LMO7: variants seen among roughly 807,000 people sequenced by gnomAD.
The protein encoded by LMO7 is LIM domain 7.
LMO7 carries 120 observed loss-of-function variants against 206.5 expected under a neutral mutation model. The ratio of observed to expected loss-of-function variants is 0.58; its 90% CI spans 0.50 to 0.68. The LOEUF (loss-of-function observed/expected upper bound fraction) is 0.68, where lower values mean the gene tolerates loss of function less well. Among genes scored for constraint, LMO7 ranks in the 30% least tolerant of loss-of-function variants. The probability of loss-of-function intolerance (pLI) is 0.00; values close to 1 mark genes in which losing one functional copy is unlikely to be tolerated. For synonymous variants in LMO7, 706 were observed against 681.5 expected, an observed-to-expected ratio of 1.04 and a Z score of -0.56; for missense variants, 1,959 against 1,957.9, an observed-to-expected ratio of 1.00 and a Z score of -0.01.
intron 1 of LMO7, among the ~76,000 whole-genome samples, chr13:75,687,036 G>C (rs1450050653): frequency 6.6e-6 from 1 of 152,142 alleles, no homozygotes; most frequent in African/African-American, 2.4e-5. Flanking sequence ...TTGAGGGTTA[G>C]GATTTTGGCA....
intron 4 of LMO7, among the ~76,000 whole-genome samples, chr13:75,761,694 G>C (rs1372497765): frequency 1.3e-5 from 2 of 151,966 alleles, no homozygotes; most frequent in African/African-American, 4.8e-5. Context: ...CTGGTTTTAA[G>C]CTCTTATGAT....
chr13:75,637,566 A>C (rs2036072077), intron 1 of LMO7, among the ~76,000 whole-genome samples: 1 of 152,248 alleles, frequency 6.6e-6, no homozygotes, highest in South Asian at 2.1e-4. Flanking sequence ...AATCAGGAAC[A>C]ACTGCTGAAA....
intron 1 of LMO7, among the ~76,000 whole-genome samples, chr13:75,696,211 C>T (rs558727770): frequency 2.0e-5 from 3 of 152,098 alleles, no homozygotes; most frequent in African/African-American, 7.2e-5. Context: ...AAAAATGAGC[C>T]GGGCATGGTG....
chr13:75,705,379 A>G (rs1368618749), intron 1 of LMO7, among the ~76,000 whole-genome samples: 1 of 152,182 alleles, frequency 6.6e-6, no homozygotes, highest in Non-Finnish European at 1.5e-5. Flanking sequence ...ATTAAACCTG[A>G]GGTATTCTCT....
chr13:75,773,492 T>C (rs2050003325), intron 4 of LMO7, among the ~76,000 whole-genome samples: 1 of 152,102 alleles, frequency 6.6e-6, no homozygotes, highest in South Asian at 2.1e-4. Flanking sequence ...GGTAAGGTAA[T>C]TACGGCAGTC....
chr13:75,645,937 C>A (rs1359554994), intron 1 of LMO7, among the ~76,000 whole-genome samples: 1 of 152,208 alleles, frequency 6.6e-6, no homozygotes, highest in Non-Finnish European at 1.5e-5. Context: ...CTTCTCCACG[C>A]TGATTGCTTC....
chr13:75,819,465 G>A lies in LMO7; in HGVS notation c.2137G>A (p.Glu713Lys). ...DLQKKKEERE[E>K]IEKQALEKSK... ...GCAGAAGAAAAAAGAAGAGAGAGAA[G>A]AAATTGAAAAGCAGGCACTTGAGAA... The change falls in exon 13 of 31, where the codon GAA becomes AAA. Residue 713 changes from glutamate (E) to lysine (K), a missense_variant. Physicochemically the swap from Glu to Lys is moderately conservative, Grantham distance 56 (BLOSUM62 1). Coordinates refer to ENST00000377534, the MANE Select transcript of LMO7 (RefSeq NM_001306080.2). 6.2e-7 allele frequency: 1 copy of A among 1,613,112 alleles called. No individual in the cohort carries two copies. Among genetic ancestry groups the A allele is most frequent in the Non-Finnish European group, 8.5e-7 (1 of 1,179,768 alleles).
intron 1 of LMO7, among the ~76,000 whole-genome samples, chr13:75,652,156 A>G (rs115169543): frequency 0.026 from 3,892 of 151,416 alleles, 193 homozygotes; most frequent in African/African-American, 0.088. Flanking sequence ...TTCTTCCTGA[A>G]TTGTCTCTGT....
At chr13:75,707,415 C>T (rs1489423784) in intron 1 of LMO7, among the ~76,000 whole-genome samples, 1 of 151,908 alleles carries the variant, frequency 6.6e-6, no homozygotes, top group African/African-American at 2.4e-5. Flanking sequence ...ATTTCAATTT[C>T]ATGTCATTTT....
intron 1 of LMO7, among the ~76,000 whole-genome samples, chr13:75,646,052 A>G (rs769273458): frequency 6.6e-6 from 1 of 152,202 alleles, no homozygotes; most frequent in Admixed American, 6.5e-5. Context: ...GGTTCTAAGC[A>G]AAACTCTTAG....
intron 4 of LMO7, among the ~76,000 whole-genome samples, chr13:75,771,789 ATAAT>A (rs761935147): frequency 5.2e-4 from 79 of 152,232 alleles, no homozygotes; most frequent in Non-Finnish European, 6.6e-4. Context: ...TTTTATACAA[ATAAT>A]TAAAGATTAA....
intron 4 of LMO7, among the ~76,000 whole-genome samples, chr13:75,776,190 T>TATATATATATATATATATCGG (rs2050452278): frequency 9.8e-6 from 1 of 101,586 alleles, no homozygotes; most frequent in Non-Finnish European, 2.1e-5. Flanking sequence ...TATATATATA[T>TATATATATATATATATATCGG]ATATATATAT....
chr13:75,772,491 T>G (rs2049890588), intron 4 of LMO7, among the ~76,000 whole-genome samples: 1 of 152,072 alleles, frequency 6.6e-6, no homozygotes, highest in Admixed American at 6.6e-5. Context: ...AACCACTTTA[T>G]AAGATAGGGT....
At chr13:75,807,154 G>A (rs11617126) in intron 9 of LMO7, 667 of 236,830 alleles carry the variant, frequency 2.8e-3, no homozygotes, top group Non-Finnish European at 4.6e-3. Context: ...CAAAAAACAG[G>A]GTACCAGGGA....
In LMO7 at chr13:75,840,975, T is replaced by G; in HGVS notation, c.3583-134T>G. On this transcript the variant is annotated intron_variant, in intron 22 of 30. Transcript: ENST00000377534. ...TCTACTATAGGGACTAAAATCTGAT[T>G]GGCTTATGAAAATAAATCATGGTCT... 4.8e-6 allele frequency: 3 copies of G among 624,998 alleles called. No individual in the cohort carries two copies. In the South Asian group the frequency reaches 6.6e-5, roughly 14 times the overall value. The allele number at this position is 624,998 out of a possible 1,614,324, so 38.7% of individuals were successfully genotyped here. A position where few individuals can be genotyped will look rare whatever the true frequency, so the allele number is the denominator to read the frequency against.
intron 16 of LMO7, 62 bp downstream of exon 16, chr13:75,833,227 TGGGGACCAC>T: frequency 1.0e-6 from 1 of 983,286 alleles, no homozygotes; most frequent in Non-Finnish European, 1.6e-6. Context: ...ATTGTGGGGT[TGGGGACCAC>T]AGAAATTAGT....
rs752813513 is a variant in LMO7 at position 75,796,635 on chromosome 13, G to A, written c.349-1G>A. 2.5e-6 allele frequency: 4 copies of A among 1,573,160 alleles called. No individual in the cohort carries two copies. Among genetic ancestry groups the A allele is most frequent in the South Asian group, 2.3e-5 (2 of 86,668 alleles). ...TGTTCATGGATTTTTTTTTTTTTAA[G>A]GTTTTGATAACATTGTACTGGCTGG... On this transcript the variant is annotated splice_acceptor_variant, in intron 5 of 30. Transcript: ENST00000377534. LOFTEE classifies it high-confidence loss of function.
rs540542469 is a variant in LMO7 at position 75,770,724 on chromosome 13, G to T, written c.317+9686G>T. Among the ~76,000 whole-genome samples the T allele has an allele frequency of 4.3e-4, 66 of 152,170 alleles. No individual in the cohort carries two copies. The South Asian group carries it at 0.013, about 30-fold the overall frequency. The stretch of plus-strand genomic sequence containing the variant: ...ATTCCTGTCACTATGATGCAATTAA[G>T]TTTAGACAAACTGGAAGATAAGAGC... On this transcript the variant is annotated intron_variant, in intron 4 of 30. Coordinates refer to ENST00000377534, the MANE Select transcript of LMO7 (RefSeq NM_001306080.2).
rs540298681 is a variant in LMO7 at position 75,847,981 on chromosome 13, G to A, written c.4151-1098G>A. The stretch of plus-strand genomic sequence containing the variant: ...AGTCACTATTTATTTATTTATTGAG[G>A]CTGCAATTTCAAATACACTTTATTT... On this transcript the variant is annotated intron_variant, in intron 26 of 30. Coordinates refer to ENST00000377534, the MANE Select transcript of LMO7 (RefSeq NM_001306080.2). Among the ~76,000 whole-genome samples, 18 of 137,864 alleles carry A rather than the reference G, an allele frequency of 1.3e-4. No homozygotes were observed. The South Asian group carries it at 4.2e-3, about 32-fold the overall frequency. 90.4% of individuals were successfully genotyped at this position (137,864 alleles called of 152,430 possible). A position where few individuals can be genotyped will look rare whatever the true frequency, so the allele number is the denominator to read the frequency against.
Sources: gnomAD v4.1 joint callset for allele counts (sites outside exome capture counted in the v4.1 genomes callset) on GRCh38, gnomAD v4.1.1 for gene constraint, MANE v1.5 for transcripts, NCBI Gene and HGNC (gene_info 2026-07-23, HGNC 2026-07-21) for gene names.